The following ACOT8 variants were observed in gnomAD, a reference collection of about 807,000 sequenced individuals.
The protein encoded by ACOT8 is acyl-coenzyme A thioesterase 8.
In ACOT8, 31 loss-of-function variants were observed where a neutral mutation model predicts 38.4. The ratio of observed to expected loss-of-function variants is 0.81; its 90% CI spans 0.61 to 1.09. The LOEUF (loss-of-function observed/expected upper bound fraction) is 1.09. Ranked by LOEUF, ACOT8 falls within the 50% of genes least tolerant of loss-of-function variation. The pLI is 0.00. For missense variants in ACOT8, 373 were observed against 421.8 expected (o/e 0.88, Z 1.01); for synonymous variants, 158 against 170.3 (o/e 0.93, Z 0.56).
intron 5 of ACOT8, chr20:45,842,348 G>A (rs79106516): frequency 1.1e-5 from 15 of 1,372,654 alleles, no homozygotes; most frequent in East Asian, 5.6e-5. Context: ...CACAGAGGGA[G>A]GAGCTCTGAG....
chr20:45,848,215 C>T lies in ACOT8; in HGVS notation c.488+235G>A, dbSNP rs371983000. Among the ~76,000 whole-genome samples, 8 of 152,238 alleles carry T rather than the reference C, an allele frequency of 5.3e-5. No individual in the cohort carries two copies. In the South Asian group the frequency reaches 1.7e-3, roughly 32 times the overall value. On this transcript the variant is annotated intron_variant, in intron 3 of 5. Transcript: ENST00000217455. The stretch of plus-strand genomic sequence containing the variant: ...ATGCGCCACTGCACCCGGCCAAGCC[C>T]TTCATTTTATACCATGACCCAGTAC...
At position 45,848,498 on chromosome 20, in the gene ACOT8, G is replaced by T. The variant is rs116476549; in HGVS notation, c.440C>A (p.Pro147Gln). ...CTCACAGTCAAGCAGCTCTTCTGGT[G>T]GTGGCACAGTGGGCATGGAGAACTG... ...QHQFSMPTVP[P>Q]PEELLDCETL... Residue 147 changes from proline (P) to glutamine (Q), a missense_variant, in exon 3 of 6, where the codon CCA (proline) becomes CAA (glutamine). Transcript: ENST00000217455. The T allele has an allele frequency of 2.3e-4, 372 of 1,613,102 alleles. No individual in the cohort carries two copies. The African/African-American group carries it at 4.5e-3, about 19-fold the overall frequency.
intron 3 of ACOT8, among the ~76,000 whole-genome samples, chr20:45,845,495 C>T (rs751813021): frequency 6.6e-5 from 10 of 152,148 alleles, no homozygotes; most frequent in Admixed American, 2.6e-4. Flanking sequence ...TGTGCCCAGC[C>T]ACTTCATTAT....
At chr20:45,845,844 T>G (rs888845032) in intron 3 of ACOT8, among the ~76,000 whole-genome samples, 1 of 151,962 alleles carries the variant, frequency 6.6e-6, no homozygotes, top group Non-Finnish European at 1.5e-5. Flanking sequence ...TTTGTTTTTT[T>G]TTTTTTAAGA....
intron 2 of ACOT8, chr20:45,853,825 G>T: frequency 1.1e-6 from 1 of 917,554 alleles, no homozygotes. Context: ...AGAGACACGG[G>T]ACAGTATGAA....
intron 1 of ACOT8, among the ~76,000 whole-genome samples, chr20:45,855,663 GA>G (rs1295330939): frequency 1.3e-5 from 2 of 152,188 alleles, no homozygotes; most frequent in Non-Finnish European, 2.9e-5. Flanking sequence ...TGAGGCAGGA[GA>G]ATCACTTGAA....
Position 45,857,174 on chromosome 20 carries a change from G to C in ACOT8, c.128+14C>G, listed in dbSNP as rs562825567. 2 of 1,608,970 alleles carry C rather than the reference G, an allele frequency of 1.2e-6. No individual in the cohort carries two copies. The highest frequency in any genetic ancestry group is 1.7e-5 in the Admixed American group (1 of 59,454). ...CCCTAAAGGAGGGGATGCTGGGCAG[G>C]AGCTGCCGGCTACCTGAAGAGATCC... is the stretch of plus-strand genomic sequence containing the variant. On this transcript the variant is annotated intron_variant, in intron 1 of 5. Coordinates refer to ENST00000217455, the MANE Select transcript of ACOT8 (RefSeq NM_005469.4).
intron 2 of ACOT8, among the ~76,000 whole-genome samples, chr20:45,854,655 GGCTGCATGGTA>G (rs1985295350): frequency 6.6e-6 from 1 of 152,172 alleles, no homozygotes; most frequent in Admixed American, 6.5e-5. Context: ...AACCTCACAA[GGCTGCATGGTA>G]AATTATGGAC....
At chr20:45,854,384 A>G (rs11486541) in intron 2 of ACOT8, among the ~76,000 whole-genome samples, 19 of 152,082 alleles carry the variant, frequency 1.2e-4, no homozygotes, top group South Asian at 2.1e-4. Flanking sequence ...TAATTTTTTT[A>G]TATTTTTAGT....
intron 2 of ACOT8, among the ~76,000 whole-genome samples, chr20:45,850,357 T>C (rs373766189): frequency 2.6e-5 from 4 of 152,256 alleles, no homozygotes; most frequent in South Asian, 2.1e-4. Flanking sequence ...TATCAGTTAT[T>C]AATCAAGTCC....
chr20:45,848,612 A>G lies in ACOT8; in HGVS notation c.326T>C (p.Val109Ala). The change falls in exon 3 of 6, where the codon GTG (valine) becomes GCG (alanine). Residue 109 changes from valine (V) to alanine (A), a missense_variant. Coordinates refer to ENST00000217455, the MANE Select transcript of ACOT8 (RefSeq NM_005469.4). Reference sequence around the variant, plus strand: ...ATGTTGCACGGCCTTCACAGAGCGCACCGAGAAGCTCGACCCTGTTCGTGT... The same window carrying G: ...ATGTTGCACGGCCTTCACAGAGCGCGCCGAGAAGCTCGACCCTGTTCGTGT... The part of the protein sequence containing the change: ...ERTRTGSSFS[V>A]RSVKAVQHGK... The G allele has an allele frequency of 6.2e-7, 1 of 1,613,908 alleles. No individual in the cohort carries two copies. The highest frequency in any genetic ancestry group is 8.5e-7 in the Non-Finnish European group (1 of 1,180,002).
chr20:45,850,504 G>A (rs750675398), intron 2 of ACOT8, among the ~76,000 whole-genome samples: 3 of 152,100 alleles, frequency 2.0e-5, no homozygotes, highest in Non-Finnish European at 4.4e-5. Context: ...GCTATTGTGC[G>A]TCAGAGTTCT....
intron 5 of ACOT8, chr20:45,842,562 C>T: frequency 1.0e-6 from 1 of 996,840 alleles, no homozygotes; most frequent in Middle Eastern, 5.2e-4. Context: ...CCTCTTCCCT[C>T]CCCATCTGGA....
At chr20:45,850,693 CAAAAAAT>C (rs1568738821) in intron 2 of ACOT8, among the ~76,000 whole-genome samples, 7 of 152,084 alleles carry the variant, frequency 4.6e-5, no homozygotes, top group Middle Eastern at 3.4e-3. Context: ...CCTGTTTCTA[CAAAAAAT>C]AAAAAATAAA....
At chr20:45,854,018 G>A in intron 2 of ACOT8, 1 of 1,263,966 alleles carries the variant, frequency 7.9e-7, no homozygotes, top group Middle Eastern at 2.2e-4. Flanking sequence ...AAAACAGTGA[G>A]GGTTTTTTTT....
At chr20:45,851,169 T>G (rs1022905695) in intron 2 of ACOT8, among the ~76,000 whole-genome samples, 7 of 152,164 alleles carry the variant, frequency 4.6e-5, no homozygotes, top group Non-Finnish European at 8.8e-5. Context: ...CATCACTGTC[T>G]GAGGTCAACT....
intron 3 of ACOT8, among the ~76,000 whole-genome samples, chr20:45,846,630 G>A (rs1331167927): frequency 6.6e-6 from 1 of 152,164 alleles, no homozygotes; most frequent in Non-Finnish European, 1.5e-5. Flanking sequence ...GGGCAGAAAT[G>A]AGCATTCCCA....
chr20:45,844,496 C>G lies in ACOT8; in HGVS notation c.489-76G>C, dbSNP rs564471333. On this transcript the variant is annotated intron_variant, in intron 3 of 5. Transcript: ENST00000217455. ...CACATCTGCATTGCCTCTTCTGACT[C>G]CCCTCATTCTTCCACAGGGACCCCT... 8 of 1,517,468 alleles carry G rather than the reference C, an allele frequency of 5.3e-6. No homozygotes were observed. In the South Asian group the frequency reaches 8.2e-5, roughly 16 times the overall value. 94.0% of individuals were successfully genotyped at this position (1,517,468 alleles called of 1,614,324 possible). A position where few individuals can be genotyped will look rare whatever the true frequency, so the allele number is the denominator to read the frequency against.
At chr20:45,843,871 G>A in intron 4 of ACOT8, 150 bp from the exon 5 acceptor site, 1 of 1,420,140 alleles carries the variant, frequency 7.0e-7, no homozygotes, top group East Asian at 2.5e-5. Flanking sequence ...TGTGATAGGG[G>A]AGAAGTGAGA....
Sources: allele counts gnomAD v4.1 joint callset (sites outside exome capture counted in the v4.1 genomes callset), GRCh38; gene constraint gnomAD v4.1.1; transcripts MANE v1.5; gene names NCBI Gene and HGNC (gene_info 2026-07-23, HGNC 2026-07-21).